TICRR: variants seen among roughly 807,000 people sequenced by gnomAD.
TICRR encodes TOPBP1 interacting checkpoint and replication regulator.
TICRR carries 132 observed loss-of-function variants against 178.1 expected under a neutral mutation model. The observed-to-expected ratio is 0.74, with a 90% CI of 0.64 to 0.86. The LOEUF is 0.86. Ranked by LOEUF, TICRR falls within the 40% of genes least tolerant of loss-of-function variation. The pLI is 0.00. For missense variants in TICRR, 2,587 were observed against 2,334.3 expected (o/e 1.11, Z -2.23); for synonymous variants, 991 against 900.7 (o/e 1.10, Z -1.79).
At chr15:89,581,103 G>T (rs976143423) in intron 1 of TICRR, among the ~76,000 whole-genome samples, 1 of 152,184 alleles carries the variant, frequency 6.6e-6, no homozygotes, top group African/African-American at 2.4e-5. Context: ...GTCTATCATT[G>T]CCTTGCTGGG....
At position 89,624,753 on chromosome 15, in the gene TICRR, C is replaced by T. The variant is rs760061593; in HGVS notation, c.4443C>T (p.Asn1481=). The change falls in exon 20 of 22, where the codon AAC becomes AAT. Residue 1481 remains asparagine (N), a synonymous_variant. Coordinates refer to ENST00000268138, the MANE Select transcript of TICRR (RefSeq NM_152259.4). ...EHHGIGDLKS[N]VLSVEEGEGL... is the part of the protein sequence containing the mutation. ...ATGGCATTGGTGACTTGAAAAGTAA[C>T]GTCTTATCAGTGGAAGAGGGTGAGG... 21 of 1,614,050 alleles carry T rather than the reference C, an allele frequency of 1.3e-5. No homozygotes were observed. The highest frequency in any genetic ancestry group is 1.1e-4 in the South Asian group (10 of 91,084).
chr15:89,623,341 T>C (rs1018410028), intron 19 of TICRR, among the ~76,000 whole-genome samples: 20 of 152,220 alleles, frequency 1.3e-4, no homozygotes, highest in Admixed American at 1.3e-4. Context: ...GTAGAATGAT[T>C]CCATTAGAGG....
chr15:89,624,595 C>T lies in TICRR; in HGVS notation c.4285C>T (p.Leu1429Phe), dbSNP rs374047012. 2.5e-6 allele frequency: 4 copies of T among 1,613,970 alleles called. No homozygotes were observed. The highest frequency in any genetic ancestry group is 3.4e-6 in the Non-Finnish European group (4 of 1,180,020). The change falls in exon 20 of 22, where the codon CTC becomes TTC. Residue 1429 changes from leucine to phenylalanine, a missense_variant. By Grantham distance (22) the Leu-to-Phe change is conservative (BLOSUM62 0). Coordinates refer to ENST00000268138, the MANE Select transcript of TICRR (RefSeq NM_152259.4). ...TAGAGATGACCAGAAGGGACTGAGC[C>T]TCTCTCCTCAGTCTCCTCCTGAAAG... ...DSRDDQKGLS[L>F]SPQSPPERRG...
intron 8 of TICRR, 50 bp from the exon 9 acceptor site, chr15:89,600,535 A>C: frequency 1.2e-6 from 1 of 816,886 alleles, no homozygotes; most frequent in Non-Finnish European, 1.9e-6. Context: ...AGAAATTAGA[A>C]ATAATGACAA....
chr15:89,590,815 C>CT (rs1255697757), intron 4 of TICRR, among the ~76,000 whole-genome samples: 1 of 152,208 alleles, frequency 6.6e-6, no homozygotes, highest in Non-Finnish European at 1.5e-5. Context: ...AAGCCTAGAA[C>CT]TTGGTTGTCT....
In TICRR at chr15:89,603,865, T is replaced by C. The variant is rs540067203; in HGVS notation, c.2664+973T>C. On this transcript the variant is annotated intron_variant, in intron 13 of 21. Coordinates refer to ENST00000268138, the MANE Select transcript of TICRR (RefSeq NM_152259.4). ...TAGCAATATAATATAATAAAAGTTA[T>C]GTGAATGTGGTCTTCCTCTCAAAAT... is the stretch of plus-strand genomic sequence containing the variant. 1.6e-3 allele frequency among the ~76,000 whole-genome samples: 246 copies of C among 152,310 alleles called. 2 individuals are homozygous for C. The highest frequency in any genetic ancestry group is 4.4e-3 in the Admixed American group (68 of 15,292).
intron 1 of TICRR, among the ~76,000 whole-genome samples, chr15:89,576,498 C>G (rs771294771): frequency 6.6e-6 from 1 of 152,142 alleles, no homozygotes; most frequent in African/African-American, 2.4e-5. Flanking sequence ...TACATCTACT[C>G]TAGCATATTG....
chr15:89,617,699 T>A (rs1349640575), intron 16 of TICRR, among the ~76,000 whole-genome samples: 1 of 148,622 alleles, frequency 6.7e-6, no homozygotes, highest in Non-Finnish European at 1.5e-5. Context: ...CTTTTTTTTT[T>A]TTTTTTTTTT....
chr15:89,592,704 CAAATA>C (rs1357667993), intron 5 of TICRR, among the ~76,000 whole-genome samples: 1 of 152,010 alleles, frequency 6.6e-6, no homozygotes, highest in African/African-American at 2.4e-5. Flanking sequence ...TTTGAAAAGC[CAAATA>C]AAATAATCTA....
At position 89,623,761 on chromosome 15, in the gene TICRR, G is replaced by A; in HGVS notation, c.3451G>A (p.Ala1151Thr). Residue 1151 changes from alanine (A) to threonine (T), a missense_variant, in exon 20 of 22, where the codon GCA (alanine) becomes ACA (threonine). Transcript: ENST00000268138. ...SPAKMTPTKQAAFKESLKDSS... is the reference protein window; with the variant it reads ...SPAKMTPTKQTAFKESLKDSS... ...TGCAAAAATGACCCCTACAAAGCAG[G>A]CAGCTTTTAAGGAGTCCTTAAAAGA... 8 of 1,613,834 alleles carry A rather than the reference G, an allele frequency of 5.0e-6. No homozygotes were observed. Among genetic ancestry groups the A allele is most frequent in the Non-Finnish European group, 6.8e-6 (8 of 1,179,968 alleles).
chr15:89,584,358 A>T lies in TICRR; in HGVS notation c.1007A>T (p.Lys336Ile), dbSNP rs1171549931. The T allele has an allele frequency of 6.2e-7, 1 of 1,614,208 alleles. No homozygotes were observed. Reference protein sequence around the residue: ...PLAMHQRHFQKPVRIFLKGSV... With the variant: ...PLAMHQRHFQIPVRIFLKGSV... ...GCCATGCATCAGAGACATTTTCAGA[A>T]ACCAGTCAGAATTTTTCTAAAAGGC... Residue 336 changes from lysine to isoleucine, a missense_variant, in exon 3 of 22, where the codon AAA becomes ATA. By Grantham distance (102) the Lys-to-Ile change is moderately radical. Transcript: ENST00000268138.
In TICRR at chr15:89,575,509, G is replaced by T; in HGVS notation, c.-78G>T. ...GTCCCAAAGGAAAGCAGTGAGTGGT[G>T]CTGTTTCCCTGAAGGAAGGGACTAA... On this transcript the variant is annotated 5_prime_UTR_variant, in exon 1 of 22. Transcript: ENST00000268138. The T allele has an allele frequency of 7.5e-7, 1 of 1,337,730 alleles. No individual in the cohort carries two copies. Among genetic ancestry groups the T allele is most frequent in the Non-Finnish European group, 9.8e-7 (1 of 1,017,970 alleles). The allele number at this position is 1,337,730 out of a possible 1,614,324, so 82.9% of individuals were successfully genotyped here.
rs1425060713 is a variant in TICRR, at chr15:89,624,633, A to G, written c.4323A>G (p.Pro1441=). ...PQSPPERRGY[P]GPGLRSDWHA... ...CTCCTCCTGAAAGACGGGGCTACCC[A>G]GGCCCTGGTCTCAGGAGTGATTGGC... The change falls in exon 20 of 22, where the codon CCA becomes CCG. Residue 1441 remains proline (P), a synonymous_variant. Transcript: ENST00000268138. 1 of 1,614,046 alleles carries G rather than the reference A, an allele frequency of 6.2e-7. No individual in the cohort carries two copies. Among genetic ancestry groups the G allele is most frequent in the Admixed American group, 1.7e-5 (1 of 60,028 alleles).
chr15:89,605,572 G>C (rs1007630810), intron 13 of TICRR, among the ~76,000 whole-genome samples: 1 of 152,124 alleles, frequency 6.6e-6, no homozygotes, highest in Non-Finnish European at 1.5e-5. Flanking sequence ...TGTTAGCCAG[G>C]ATGGTCTCAA....
At position 89,627,246 on chromosome 15, in the gene TICRR, C is replaced by CATCT. The variant is rs1963549171; in HGVS notation, c.*161_*164dup. 24 of 816,280 alleles carry CATCT rather than the reference C, an allele frequency of 2.9e-5. No individual in the cohort carries two copies. The South Asian group carries it at 4.6e-4, about 16-fold the overall frequency. The allele number at this position is 816,280 out of a possible 1,614,324, so 50.6% of individuals were successfully genotyped here. The stretch of plus-strand genomic sequence containing the variant: ...TCTAATTCCCCTTATGGATCCAATC[C>CATCT]ATCTCCTGGCCCTGCCCCTTGTTGG... On this transcript the variant is annotated 3_prime_UTR_variant, in exon 22 of 22. Coordinates refer to ENST00000268138, the MANE Select transcript of TICRR (RefSeq NM_152259.4).
At position 89,599,387 on chromosome 15, in the gene TICRR, C is replaced by A. The variant is rs1257899192; in HGVS notation, c.1964C>A (p.Thr655Lys). The part of the protein sequence containing the change: ...IRENYQKTVA[T>K]GEIMLYACAR... Reference sequence around the variant, plus strand: ...GAAAATTACCAAAAGACTGTGGCCACAGGAGAAATCATGTTGTATGCATGT... The same window carrying A: ...GAAAATTACCAAAAGACTGTGGCCAAAGGAGAAATCATGTTGTATGCATGT... Residue 655 changes from threonine (T) to lysine (K), a missense_variant, in exon 8 of 22, where the codon ACA (threonine) becomes AAA (lysine). Coordinates refer to ENST00000268138, the MANE Select transcript of TICRR (RefSeq NM_152259.4). 1 of 1,613,714 alleles carries A rather than the reference C, an allele frequency of 6.2e-7. No individual in the cohort carries two copies. The highest frequency in any genetic ancestry group is 8.5e-7 in the Non-Finnish European group (1 of 1,179,822).
chr15:89,619,498 G>T (rs1441607878), intron 17 of TICRR, among the ~76,000 whole-genome samples: 1 of 152,102 alleles, frequency 6.6e-6, no homozygotes, highest in Non-Finnish European at 1.5e-5. Context: ...AGTCTAGTGG[G>T]TCAGTGTTTT....
chr15:89,590,451 A>G (rs926504873), intron 4 of TICRR, among the ~76,000 whole-genome samples: 3 of 152,228 alleles, frequency 2.0e-5, no homozygotes, highest in Non-Finnish European at 4.4e-5. Context: ...TAGTCTTGGA[A>G]GCAGCTCAGA....
At chr15:89,605,858 A>AC (rs1491389738) in intron 13 of TICRR, among the ~76,000 whole-genome samples, 1 of 152,178 alleles carries the variant, frequency 6.6e-6, no homozygotes. Flanking sequence ...CTTTAAAAAA[A>AC]CAGTTTCCTT....
Sources: gnomAD v4.1 joint callset for allele counts (sites outside exome capture counted in the v4.1 genomes callset) on GRCh38, gnomAD v4.1.1 for gene constraint, MANE v1.5 for transcripts, NCBI Gene and HGNC (gene_info 2026-07-23, HGNC 2026-07-21) for gene names.